COL4A2: variants seen among roughly 807,000 people sequenced by gnomAD.
COL4A2 encodes the protein collagen type IV alpha 2 chain.
Under a neutral mutation model 200.2 loss-of-function variants are expected in COL4A2, and 99 were observed. That is an observed-to-expected ratio of 0.49 (90% CI 0.42 to 0.58). The LOEUF (loss-of-function observed/expected upper bound fraction) is 0.58. Ranked by LOEUF, COL4A2 falls within the 20% of genes least tolerant of loss-of-function variation. The pLI is 0.00. For synonymous variants in COL4A2, 897 were observed against 900.6 expected (o/e 1.00, Z 0.07); for missense variants, 1,950 against 2,314.1 (o/e 0.84, Z 3.23).
At chr13:110,351,031 T>C (rs1281836612) in intron 3 of COL4A2, among the ~76,000 whole-genome samples, 1 of 152,058 alleles carries the variant, frequency 6.6e-6, no homozygotes, top group Non-Finnish European at 1.5e-5. Flanking sequence ...CTCTCTCTCT[T>C]GTTTCTTTCT....
intron 3 of COL4A2, among the ~76,000 whole-genome samples, chr13:110,353,193 C>G (rs1294645904): frequency 1.3e-5 from 2 of 152,148 alleles, no homozygotes; most frequent in Non-Finnish European, 2.9e-5. Flanking sequence ...AACACTGAGG[C>G]AAACCAGACC....
intron 3 of COL4A2, among the ~76,000 whole-genome samples, chr13:110,352,911 C>A (rs1039941246): frequency 2.5e-4 from 38 of 152,128 alleles, no homozygotes; most frequent in African/African-American, 9.2e-4. Flanking sequence ...GCACGCCCCA[C>A]GAGCCTGGAT....
rs1883881030 is a variant in COL4A2, at chr13:110,506,444, C to T, written c.4432C>T (p.Leu1478=). 2 of 1,612,454 alleles carry T rather than the reference C, an allele frequency of 1.2e-6. No individual in the cohort carries two copies. The highest frequency in any genetic ancestry group is 1.7e-4 in the Middle Eastern group (1 of 6,042). ...GAPGRPGSPG[L]PGMPGRSVSI... Reference sequence around the variant, plus strand: ...ACCAGGCCGTCCAGGGAGCCCGGGCCTGCCGGGTATGCCAGGCCGCAGCGT... The same window carrying T: ...ACCAGGCCGTCCAGGGAGCCCGGGCTTGCCGGGTATGCCAGGCCGCAGCGT... The change falls in exon 46 of 48, where the codon CTG becomes TTG. Residue 1478 remains leucine (L), a synonymous_variant. Transcript: ENST00000360467.
intron 4 of COL4A2, among the ~76,000 whole-genome samples, chr13:110,383,020 T>A (rs1878548735): frequency 6.6e-6 from 1 of 152,218 alleles, no homozygotes; most frequent in Non-Finnish European, 1.5e-5. Flanking sequence ...CACTGATGAT[T>A]TTATCTAATT....
Position 110,512,098 on chromosome 13 carries a change from G to C in COL4A2, c.5046G>C (p.Gln1682His). The C allele has an allele frequency of 1.2e-6, 2 of 1,613,720 alleles. No individual in the cohort carries two copies. Among genetic ancestry groups the C allele is most frequent in the Non-Finnish European group, 1.7e-6 (2 of 1,180,044 alleles). ...TCTGGCTGACCACCATTCCCGAGCAGAGCTTCCAGGGCTCGCCCTCCGCCG... is the reference window on the plus strand; with the variant it reads ...TCTGGCTGACCACCATTCCCGAGCACAGCTTCCAGGGCTCGCCCTCCGCCG... ...YSFWLTTIPE[Q>H]SFQGSPSADT... The change falls in exon 48 of 48, where the codon CAG becomes CAC. Residue 1682 changes from glutamine (Q) to histidine (H), a missense_variant. Around this residue, in one of 2 missense-constraint regions of COL4A2, gnomAD observed 1,385 missense variants for 1,720.5 expected, o/e 0.80. Transcript: ENST00000360467.
At chr13:110,429,688 G>T (rs1880600910) in intron 7 of COL4A2, among the ~76,000 whole-genome samples, 197 bp from the exon 8 acceptor site, 1 of 152,042 alleles carries the variant, frequency 6.6e-6, no homozygotes, top group African/African-American at 2.4e-5. Context: ...GATATGATTG[G>T]GTCAATAGGA....
chr13:110,307,747 C>T lies in COL4A2; in HGVS notation c.-44-113C>T, dbSNP rs574692556. On this transcript the variant is annotated intron_variant, in intron 1 of 47. Transcript: ENST00000360467. This position sits in a 1 kb window ranked among gnomAD's most constrained non-coding sequence, Gnocchi z 5.0. ...GGGGGGGACGGCCCTCCGGTCACCC[C>T]TGCATGCGGGCCGCGCACCGCGCTG... The T allele has an allele frequency of 4.9e-6, 5 of 1,018,182 alleles. No individual in the cohort carries two copies. Among genetic ancestry groups the T allele is most frequent in the Non-Finnish European group, 7.0e-6 (5 of 710,808 alleles). The allele number at this position is 1,018,182 out of a possible 1,614,324, so 63.1% of individuals were successfully genotyped here. A position where few individuals can be genotyped will look rare whatever the true frequency, so the allele number is the denominator to read the frequency against.
intron 21 of COL4A2, chr13:110,458,058 C>G (rs906107190): frequency 2.2e-6 from 1 of 454,734 alleles, no homozygotes; most frequent in African/African-American, 2.0e-5. Context: ...CCTCTCCCCT[C>G]CCAGAACATG....
At chr13:110,451,284 C>T (rs1301504005) in intron 20 of COL4A2, among the ~76,000 whole-genome samples, 6 of 152,206 alleles carry the variant, frequency 3.9e-5, no homozygotes, top group Non-Finnish European at 7.3e-5. Flanking sequence ...GTCCAACCCA[C>T]GGGCCACATG....
chr13:110,310,953 C>T (rs911805480), intron 3 of COL4A2, among the ~76,000 whole-genome samples: 8 of 152,184 alleles, frequency 5.3e-5, no homozygotes, highest in African/African-American at 1.4e-4. Context: ...CTGAATGAGA[C>T]GGATTAGAAC....
At position 110,469,174 on chromosome 13, in the gene COL4A2, C is replaced by T. The variant is rs889073247; in HGVS notation, c.2096-43C>T. ...CCAAGCATGACCATGCCCATTTATC[C>T]TCGTGGAGCCTGATGTGGTTTGTGG... On this transcript the variant is annotated intron_variant, in intron 27 of 47. Transcript: ENST00000360467. 2.6e-6 allele frequency: 4 copies of T among 1,552,086 alleles called. No individual in the cohort carries two copies. The African/African-American group carries it at 5.5e-5, about 21-fold the overall frequency.
At chr13:110,314,077 G>A (rs1024802276) in intron 3 of COL4A2, among the ~76,000 whole-genome samples, 1 of 152,252 alleles carries the variant, frequency 6.6e-6, no homozygotes, top group African/African-American at 2.4e-5. Flanking sequence ...AAAAACTGGT[G>A]AGATTCTAGC....
chr13:110,450,200 C>T, intron 19 of COL4A2, 105 bp from the exon 20 acceptor site: 2 of 925,572 alleles, frequency 2.2e-6, no homozygotes. Flanking sequence ...ATTGACGGGG[C>T]CATGAAGCCC....
chr13:110,346,555 C>T (rs1297013597), intron 3 of COL4A2, among the ~76,000 whole-genome samples: 1 of 152,164 alleles, frequency 6.6e-6, no homozygotes, highest in African/African-American at 2.4e-5. Context: ...ACGGGGCACC[C>T]TCCAGTGCTC....
chr13:110,307,967 G>A lies in COL4A2; in HGVS notation c.44+20G>A. On this transcript the variant is annotated intron_variant, in intron 2 of 47. Transcript: ENST00000360467. The surrounding 1 kb of genome is among the most constrained non-coding windows in gnomAD (Gnocchi z 5.0). ...ACGGCGGTAAGCGACTTTCTGCCTG[G>A]TCCCCGTGGGTCACGCGCGCATGGA... The A allele has an allele frequency of 1.9e-6, 3 of 1,612,324 alleles. No homozygotes were observed. Among genetic ancestry groups the A allele is most frequent in the Non-Finnish European group, 2.5e-6 (3 of 1,179,426 alleles).
At chr13:110,431,384 G>A (rs1359469996) in intron 10 of COL4A2, among the ~76,000 whole-genome samples, 2 of 152,174 alleles carry the variant, frequency 1.3e-5, no homozygotes, top group Non-Finnish European at 2.9e-5. Context: ...GGGAGACTCA[G>A]TCAAACTAAC....
chr13:110,512,376 C>T lies in COL4A2; in HGVS notation c.*185C>T. 1 of 1,023,398 alleles carries T rather than the reference C, an allele frequency of 9.8e-7. No individual in the cohort carries two copies. The highest frequency in any genetic ancestry group is 2.9e-5 in the Admixed American group (1 of 33,986). 63.4% of individuals were successfully genotyped at this position (1,023,398 alleles called of 1,614,324 possible). On this transcript the variant is annotated 3_prime_UTR_variant, in exon 48 of 48. Coordinates refer to ENST00000360467, the MANE Select transcript of COL4A2 (RefSeq NM_001846.4). ...CGAGCGGGTGCAAGCACTCGGGGTCCCTGGAGGGCAAGCCCTGCCCACAGA... is the reference window on the plus strand; with the variant it reads ...CGAGCGGGTGCAAGCACTCGGGGTCTCTGGAGGGCAAGCCCTGCCCACAGA...
At chr13:110,345,512 G>A (rs1044291135) in intron 3 of COL4A2, among the ~76,000 whole-genome samples, 24 of 152,102 alleles carry the variant, frequency 1.6e-4, no homozygotes, top group African/African-American at 5.1e-4. Flanking sequence ...TATGGGTACA[G>A]TCGAGGCCTC....
At chr13:110,341,887 G>A (rs1277020735) in intron 3 of COL4A2, among the ~76,000 whole-genome samples, 6 of 152,236 alleles carry the variant, frequency 3.9e-5, no homozygotes, top group African/African-American at 1.4e-4. Context: ...ATAGAATACT[G>A]GAGGAAGTCC....
Sources: gnomAD v4.1 joint callset for allele counts (sites outside exome capture counted in the v4.1 genomes callset) on GRCh38, gnomAD v4.1.1 for gene constraint, gnomAD v4.1.1 regional missense constraint, Gnocchi (gnomAD v3.1) non-coding constraint, MANE v1.5 for transcripts, NCBI Gene and HGNC (gene_info 2026-07-23, HGNC 2026-07-21) for gene names.